Variants in NAA15 observed in about 807,000 individuals in gnomAD.
NAA15 encodes N-alpha-acetyltransferase 15, NatA auxiliary subunit.
Under a neutral mutation model 114.0 loss-of-function variants are expected in NAA15, and 34 were observed. The ratio of observed to expected loss-of-function variants is 0.30; its 90% CI spans 0.23 to 0.40. The LOEUF is 0.40. Among genes scored for constraint, NAA15 ranks in the 10% least tolerant of loss-of-function variants. The pLI is 1.00. For synonymous variants in NAA15, 340 were observed against 338.0 expected, an observed-to-expected ratio of 1.01 and a Z score of -0.06; for missense variants, 658 against 1,004.5, an observed-to-expected ratio of 0.66 and a Z score of 4.66.
At chr4:139,322,842 C>A (rs986175579) in intron 1 of NAA15, among the ~76,000 whole-genome samples, 2 of 151,898 alleles carry the variant, frequency 1.3e-5, no homozygotes, top group African/African-American at 4.8e-5. Context: ...CAGGCATGCA[C>A]CACCATGCTT....
chr4:139,377,723 G>C (rs1748630127), intron 16 of NAA15, among the ~76,000 whole-genome samples: 1 of 152,150 alleles, frequency 6.6e-6, no homozygotes, highest in African/African-American at 2.4e-5. Context: ...TGTCTCGATA[G>C]ATTTTGAGTG....
chr4:139,365,765 C>A (rs974800000), intron 14 of NAA15, among the ~76,000 whole-genome samples: 1 of 152,094 alleles, frequency 6.6e-6, no homozygotes, highest in Non-Finnish European at 1.5e-5. Context: ...GTGGAAGGAT[C>A]TTTTGAGCCC....
chr4:139,331,440 TC>T (rs1746995939), intron 1 of NAA15, among the ~76,000 whole-genome samples: 1 of 151,676 alleles, frequency 6.6e-6, no homozygotes, highest in African/African-American at 2.4e-5. Flanking sequence ...AGTTTTTTTT[TC>T]TTCTTTCTTT....
chr4:139,370,505 T>C (rs575892793), intron 15 of NAA15, 101 bp downstream of exon 15: 95 of 1,139,800 alleles, frequency 8.3e-5, no homozygotes, highest in Non-Finnish European at 1.0e-4. Flanking sequence ...TTATGTGATA[T>C]AGGTTTTAGA....
chr4:139,354,000 A>AT (rs749015817), intron 9 of NAA15, 26 bp from the exon 10 acceptor site: 1 of 1,576,410 alleles, frequency 6.3e-7, no homozygotes, highest in Non-Finnish European at 8.7e-7. Context: ...TTTCTATTAA[A>AT]GTGTGTTTGT....
intron 17 of NAA15, among the ~76,000 whole-genome samples, chr4:139,380,266 G>T (rs574878648): frequency 2.0e-5 from 3 of 149,568 alleles, no homozygotes; most frequent in East Asian, 2.0e-4. Flanking sequence ...TTTGGGGGGG[G>T]GGAGTATGAA....
At chr4:139,383,637 A>AT (rs929973551) in intron 17 of NAA15, among the ~76,000 whole-genome samples, 4 of 152,044 alleles carry the variant, frequency 2.6e-5, no homozygotes, top group African/African-American at 7.3e-5. Context: ...TGCCAGGCTA[A>AT]TTTTTTTATT....
chr4:139,354,975 C>G (rs1442620225), intron 10 of NAA15, among the ~76,000 whole-genome samples: 1 of 152,158 alleles, frequency 6.6e-6, no homozygotes, highest in Non-Finnish European at 1.5e-5. Context: ...CTCCCAGGTG[C>G]AAGTGATTCT....
chr4:139,328,658 C>G (rs1473484647), intron 1 of NAA15, among the ~76,000 whole-genome samples: 2 of 151,554 alleles, frequency 1.3e-5, no homozygotes, highest in Non-Finnish European at 2.9e-5. Context: ...ACCTCCACCC[C>G]CCGGGTTCAA....
At chr4:139,319,400 C>T (rs925206481) in intron 1 of NAA15, among the ~76,000 whole-genome samples, 6 of 151,694 alleles carry the variant, frequency 4.0e-5, no homozygotes, top group Admixed American at 3.9e-4. Context: ...GCCACCGCGC[C>T]CAGCCAAAAG....
chr4:139,357,250 A>G (rs1157001326), intron 10 of NAA15, 136 bp from the exon 11 acceptor site: 5 of 714,418 alleles, frequency 7.0e-6, no homozygotes, highest in Non-Finnish European at 1.2e-5. Flanking sequence ...TAAACTTAGG[A>G]GGAGTTTTAT....
chr4:139,322,012 C>T (rs1266817754), intron 1 of NAA15, among the ~76,000 whole-genome samples: 1 of 152,034 alleles, frequency 6.6e-6, no homozygotes, highest in Admixed American at 6.6e-5. Context: ...TATTTAATGT[C>T]TGGATCCTCT....
chr4:139,354,325 A>G (rs1311567822), intron 10 of NAA15, among the ~76,000 whole-genome samples: 1 of 151,974 alleles, frequency 6.6e-6, no homozygotes, highest in Admixed American at 6.6e-5. Context: ...TTGAGACATG[A>G]TCTTGCTCTG....
chr4:139,308,642 A>G (rs1305715943), intron 1 of NAA15, among the ~76,000 whole-genome samples: 2 of 152,206 alleles, frequency 1.3e-5, no homozygotes, highest in Admixed American at 1.3e-4. Flanking sequence ...TTTGTCGTCC[A>G]GGCTGGAGTA....
intron 1 of NAA15, among the ~76,000 whole-genome samples, chr4:139,319,448 TA>T (rs1746527293): frequency 6.6e-6 from 1 of 151,880 alleles, no homozygotes; most frequent in East Asian, 1.9e-4. Context: ...TTTATTTATT[TA>T]TTTTTTGAGA....
At chr4:139,371,497 G>GCACGCACA (rs1553998024) in intron 15 of NAA15, among the ~76,000 whole-genome samples, 2 of 113,664 alleles carry the variant, frequency 1.8e-5, no homozygotes, top group East Asian at 5.6e-4. Flanking sequence ...AAGAAAAGTA[G>GCACGCACA]CACACACACA....
chr4:139,388,245 A>G lies in NAA15; in HGVS notation c.*161A>G. The G allele has an allele frequency of 3.5e-6, 2 of 565,362 alleles. No homozygotes were observed. The highest frequency in any genetic ancestry group is 6.1e-6 in the Non-Finnish European group (2 of 328,336). The allele number at this position is 565,362 out of a possible 1,614,324, so 35.0% of individuals were successfully genotyped here. On this transcript the variant is annotated 3_prime_UTR_variant, in exon 20 of 20. Transcript: ENST00000296543. ...GTTTTTTATCCTGCTGAAAAAGTAT[A>G]TATAAAATATCTAACATTACAGGAT...
At position 139,304,366 on chromosome 4, in the gene NAA15, A is replaced by G. The variant is rs1745934378; in HGVS notation, c.54+2535A>G. ...CATGGTTCATTATTATAACATTGATACAATCCACCAGTCTTATTCAGATTT... is the reference window on the plus strand; with the variant it reads ...CATGGTTCATTATTATAACATTGATGCAATCCACCAGTCTTATTCAGATTT... On this transcript the variant is annotated intron_variant, in intron 1 of 19. Transcript: ENST00000296543. Among the ~76,000 whole-genome samples, 7 of 152,278 alleles carry G rather than the reference A, an allele frequency of 4.6e-5. No individual in the cohort carries two copies. In the South Asian group the frequency reaches 1.2e-3, roughly 27 times the overall value.
intron 1 of NAA15, among the ~76,000 whole-genome samples, chr4:139,313,219 T>C (rs1159618242): frequency 1.3e-5 from 2 of 151,946 alleles, no homozygotes; most frequent in Admixed American, 6.6e-5. Flanking sequence ...CTTTTACACA[T>C]GGTTGCTGTT....
Sources: allele counts gnomAD v4.1 joint callset (sites outside exome capture counted in the v4.1 genomes callset), GRCh38; gene constraint gnomAD v4.1.1; transcripts MANE v1.5; gene names NCBI Gene and HGNC (gene_info 2026-07-23, HGNC 2026-07-21).